Variants in RBFOX1 observed in about 807,000 individuals in gnomAD.
The protein encoded by RBFOX1 is RNA binding fox-1 homolog 1.
RBFOX1 carries 8 observed loss-of-function variants against 57.7 expected under a neutral mutation model. That is an observed-to-expected ratio of 0.14 (90% CI 0.08 to 0.25). RBFOX1 has a LOEUF of 0.25. Among genes scored for constraint, RBFOX1 ranks in the 10% least tolerant of loss-of-function variants. RBFOX1 has a pLI of 1.00. For synonymous variants in RBFOX1, 326 were observed against 222.4 expected (o/e 1.47, Z -4.15); for missense variants, 611 against 548.5 (o/e 1.11, Z -1.14).
At chr16:7,228,140 AGACTG>A (rs1276169500) in intron 4 of RBFOX1, among the ~76,000 whole-genome samples, 3 of 152,256 alleles carry the variant, frequency 2.0e-5, no homozygotes, top group Admixed American at 2.0e-4. Context: ...TGAGAGTATC[AGACTG>A]TAAGTTCCGC....
chr16:6,078,734 A>G (rs1023357515), intron 1 of RBFOX1, among the ~76,000 whole-genome samples: 9 of 152,178 alleles, frequency 5.9e-5, no homozygotes, highest in Admixed American at 2.0e-4. Flanking sequence ...GTAGCTATCA[A>G]TGTTGTTATT....
chr16:6,658,205 G>C (rs1447917133), intron 3 of RBFOX1, among the ~76,000 whole-genome samples: 3 of 151,588 alleles, frequency 2.0e-5, no homozygotes, highest in African/African-American at 7.3e-5. Context: ...CATGATAGAA[G>C]ATAAACTGTG....
chr16:7,646,559 C>A (rs1483679921), intron 11 of RBFOX1, among the ~76,000 whole-genome samples: 1 of 152,194 alleles, frequency 6.6e-6, no homozygotes, highest in Non-Finnish European at 1.5e-5. Context: ...AAAGAGAGCC[C>A]CCCTCATCCA....
chr16:6,127,639 C>T (rs1181801443), intron 1 of RBFOX1, among the ~76,000 whole-genome samples: 1 of 152,124 alleles, frequency 6.6e-6, no homozygotes, highest in African/African-American at 2.4e-5. Flanking sequence ...TTTAAACCAC[C>T]CTGCGTCCCA....
chr16:7,396,676 A>G lies in RBFOX1; in HGVS notation c.28-121471A>G, dbSNP rs533810593. Among the ~76,000 whole-genome samples the G allele has an allele frequency of 1.2e-4, 19 of 152,330 alleles. No individual in the cohort carries two copies. In the South Asian group the frequency reaches 3.3e-3, roughly 27 times the overall value. ...GCAGGTGGGCTGAGAGTGGTGACTT[A>G]CACCTGTAATCCCAGCACTTTGGGA... On this transcript the variant is annotated intron_variant, in intron 4 of 15. Coordinates refer to ENST00000550418, the MANE Select transcript of RBFOX1 (RefSeq NM_018723.4).
At chr16:5,671,935 T>C (rs934591702) in intron 3 of RBFOX1, among the ~76,000 whole-genome samples, 2 of 152,040 alleles carry the variant, frequency 1.3e-5, no homozygotes, top group African/African-American at 4.8e-5. Flanking sequence ...CCAGGTAGAG[T>C]CACACTTATA....
chr16:7,077,843 C>T (rs888803263), intron 4 of RBFOX1, among the ~76,000 whole-genome samples: 1 of 152,246 alleles, frequency 6.6e-6, no homozygotes, highest in South Asian at 2.1e-4. Flanking sequence ...CCAGCTACAA[C>T]CAATTTCTCC....
At chr16:5,829,891 T>G (rs1369528289) in intron 3 of RBFOX1, among the ~76,000 whole-genome samples, 2 of 150,994 alleles carry the variant, frequency 1.3e-5, no homozygotes, top group South Asian at 2.1e-4. Context: ...AGGCCTTTGG[T>G]TTTTTTTTCC....
intron 3 of RBFOX1, among the ~76,000 whole-genome samples, chr16:6,904,939 G>C (rs1259494681): frequency 6.6e-6 from 1 of 152,138 alleles, no homozygotes. Context: ...ACAATTTGCT[G>C]GGTAAACAAA....
At chr16:6,661,164 A>C (rs1029967) in intron 3 of RBFOX1, among the ~76,000 whole-genome samples, 60,313 of 152,034 alleles carry the variant, frequency 0.4, 13,291 homozygotes, top group South Asian at 0.53. Context: ...AATACCACTG[A>C]TTTTTTACTT....
At chr16:7,679,994 T>C (rs913212702) in intron 14 of RBFOX1, among the ~76,000 whole-genome samples, 6 of 152,344 alleles carry the variant, frequency 3.9e-5, no homozygotes, top group Admixed American at 3.9e-4. Flanking sequence ...CTTTGATTTA[T>C]GCAAAGCCAA....
At chr16:6,885,811 A>G (rs1033572741) in intron 3 of RBFOX1, among the ~76,000 whole-genome samples, 2 of 152,140 alleles carry the variant, frequency 1.3e-5, no homozygotes, top group Non-Finnish European at 2.9e-5. Context: ...GATTACGGGC[A>G]TGAATCACTG....
intron 4 of RBFOX1, among the ~76,000 whole-genome samples, chr16:7,326,881 C>A (rs1253949154): frequency 6.6e-6 from 1 of 152,110 alleles, no homozygotes; most frequent in Non-Finnish European, 1.5e-5. Context: ...GGCAGCCCCT[C>A]CACCTTCCTC....
At chr16:6,336,451 C>T (rs866230022) in intron 2 of RBFOX1, among the ~76,000 whole-genome samples, 22 of 151,788 alleles carry the variant, frequency 1.4e-4, no homozygotes, top group African/African-American at 4.8e-4. Context: ...GAAGTCAAGA[C>T]CCACTGGTAA....
chr16:6,032,006 G>A (rs2095297708), intron 1 of RBFOX1, among the ~76,000 whole-genome samples: 1 of 152,114 alleles, frequency 6.6e-6, no homozygotes, highest in Admixed American at 6.5e-5. Context: ...CACTTTCAGA[G>A]ATTTTTTTAA....
intron 4 of RBFOX1, among the ~76,000 whole-genome samples, chr16:7,290,613 CT>C (rs1188827203): frequency 2.6e-5 from 4 of 152,188 alleles, no homozygotes; most frequent in Non-Finnish European, 5.9e-5. Context: ...TTCAAATTTG[CT>C]CATTCACTCA....
chr16:7,451,714 C>T (rs1051881610), intron 4 of RBFOX1, among the ~76,000 whole-genome samples: 1 of 129,558 alleles, frequency 7.7e-6, no homozygotes, highest in Non-Finnish European at 1.6e-5. Context: ...GAAGTAGAGG[C>T]TTCCAGCACT....
intron 3 of RBFOX1, among the ~76,000 whole-genome samples, chr16:6,835,749 G>T (rs1355156941): frequency 2.3e-5 from 2 of 85,712 alleles, no homozygotes; most frequent in African/African-American, 1.1e-4. Context: ...GTAAGACTCT[G>T]CTTAAAAAAA....
intron 4 of RBFOX1, among the ~76,000 whole-genome samples, chr16:7,290,004 A>C (rs1423379028): frequency 6.6e-6 from 1 of 152,154 alleles, no homozygotes; most frequent in Non-Finnish European, 1.5e-5. Context: ...AATTCTTATT[A>C]TTTTTCTTCA....
Sources: allele counts gnomAD v4.1 joint callset (sites outside exome capture counted in the v4.1 genomes callset), GRCh38; gene constraint gnomAD v4.1.1; transcripts MANE v1.5; gene names NCBI Gene and HGNC (gene_info 2026-07-23, HGNC 2026-07-21).